The following ZFHX3 variants were observed in gnomAD, a reference collection of about 807,000 sequenced individuals.
ZFHX3 encodes the protein zinc finger homeobox protein 3.
A neutral mutation model predicts 279.1 loss-of-function variants in ZFHX3; 42 were observed. The ratio of observed to expected loss-of-function variants is 0.15; its 90% CI spans 0.12 to 0.19. The LOEUF (loss-of-function observed/expected upper bound fraction) is 0.19, where lower values mean the gene tolerates loss of function less well. ZFHX3 is among the 10% of genes least tolerant of loss of function. The pLI, the probability that ZFHX3 is intolerant of heterozygous loss-of-function variation, is 1.00. For missense variants in ZFHX3, 4,981 were observed against 4,754.0 expected (o/e 1.05, Z -1.40); for synonymous variants, 2,293 against 1,957.8 (o/e 1.17, Z -4.52).
chr16:73,273,928 A>G (rs2014223754), intron 4 of ZFHX3, among the ~76,000 whole-genome samples: 1 of 152,188 alleles, frequency 6.6e-6, no homozygotes, highest in African/African-American at 2.4e-5. Context: ...GGATCACCCG[A>G]GGTCAGGAGT....
chr16:72,842,578 G>C (rs1197957108), intron 4 of ZFHX3, among the ~76,000 whole-genome samples: 1 of 152,180 alleles, frequency 6.6e-6, no homozygotes, highest in Non-Finnish European at 1.5e-5. Flanking sequence ...CCCATGATTA[G>C]AAAGAATAAA....
In ZFHX3 at chr16:73,772,054, A is replaced by C. The variant is rs375362993; in HGVS notation, c.-1607-91814T>G. 1.5e-4 allele frequency among the ~76,000 whole-genome samples: 23 copies of C among 151,776 alleles called. No homozygotes were observed. In the East Asian group the frequency reaches 2.1e-3, roughly 14 times the overall value. On this transcript the variant is annotated intron_variant, in intron 1 of 17. Coordinates refer to the ZFHX3 transcript ENST00000641206. ...TTTATTTCCCTCTTAAACTGTGGGG[A>C]TGTGAGCCACAGCTAACTTTCCAGA...
intron 1 of ZFHX3, among the ~76,000 whole-genome samples, chr16:73,823,362 C>T (rs1431323569): frequency 1.3e-5 from 2 of 152,104 alleles, no homozygotes; most frequent in Non-Finnish European, 1.5e-5. Context: ...AGACACAATG[C>T]AATCCCTGGG....
At chr16:73,792,040 G>T (rs1567411997) in intron 1 of ZFHX3, among the ~76,000 whole-genome samples, 1 of 152,158 alleles carries the variant, frequency 6.6e-6, no homozygotes, top group Admixed American at 6.5e-5. Context: ...CAAAATTCCA[G>T]ACTCCTAATT....
At chr16:73,430,556 T>A (rs2017892129) in intron 3 of ZFHX3, among the ~76,000 whole-genome samples, 1 of 152,158 alleles carries the variant, frequency 6.6e-6, no homozygotes, top group East Asian at 1.9e-4. Context: ...TTTCCTCTTC[T>A]ATTCCAACAT....
At chr16:73,636,692 A>G (rs1215854426) in intron 2 of ZFHX3, among the ~76,000 whole-genome samples, 2 of 152,212 alleles carry the variant, frequency 1.3e-5, no homozygotes, top group South Asian at 2.1e-4. Flanking sequence ...TTTAAAATGT[A>G]TTAAATGTGT....
chr16:73,331,821 AC>A (rs1257881730), intron 3 of ZFHX3, among the ~76,000 whole-genome samples: 27 of 152,326 alleles, frequency 1.8e-4, no homozygotes, highest in African/African-American at 6.5e-4. Flanking sequence ...CTCTTCAATA[AC>A]TTATATCTGG....
At chr16:73,871,145 T>C (rs753265494) in intron 1 of ZFHX3, among the ~76,000 whole-genome samples, 5 of 152,096 alleles carry the variant, frequency 3.3e-5, no homozygotes, top group South Asian at 2.1e-4. Context: ...TAAAGCTACT[T>C]AGGGGGTCAA....
chr16:72,848,928 C>T (rs1025549514), intron 4 of ZFHX3, among the ~76,000 whole-genome samples: 1 of 152,118 alleles, frequency 6.6e-6, no homozygotes, highest in Non-Finnish European at 1.5e-5. Flanking sequence ...GGCAGAGCGC[C>T]GGGCTGCCAG....
At chr16:73,641,474 G>C (rs984145152) in intron 2 of ZFHX3, among the ~76,000 whole-genome samples, 2 of 152,134 alleles carry the variant, frequency 1.3e-5, no homozygotes, top group Non-Finnish European at 2.9e-5. Context: ...GAAGGTCTTG[G>C]AGCATATGGG....
At position 73,581,127 on chromosome 16, in the gene ZFHX3, A is replaced by AT. The variant is rs1164479458; in HGVS notation, c.-1547+99052dup. On this transcript the variant is annotated intron_variant, in intron 2 of 17. Coordinates refer to the ZFHX3 transcript ENST00000641206. ...TAGAAAAATGTTCTTTATTTTCTCA[A>AT]TTTTTTTTAACTTTCCCAATTAAGC... 5.3e-5 allele frequency among the ~76,000 whole-genome samples: 8 copies of AT among 151,526 alleles called. No individual in the cohort carries two copies. The East Asian group carries it at 9.7e-4, about 18-fold the overall frequency.
At chr16:73,725,541 G>GTGAC (rs2053511625) in intron 1 of ZFHX3, among the ~76,000 whole-genome samples, 1 of 104,628 alleles carries the variant, frequency 9.6e-6, no homozygotes, top group African/African-American at 4.9e-5. Context: ...GTGTGAGTGA[G>GTGAC]TGTGTGTGTG....
At chr16:73,341,033 T>C (rs1002375878) in intron 3 of ZFHX3, among the ~76,000 whole-genome samples, 1 of 152,136 alleles carries the variant, frequency 6.6e-6, no homozygotes, top group East Asian at 1.9e-4. Context: ...ATTTCTGAAA[T>C]ATACAAAGTC....
At chr16:73,541,451 A>C (rs1438471135) in intron 2 of ZFHX3, among the ~76,000 whole-genome samples, 1 of 152,050 alleles carries the variant, frequency 6.6e-6, no homozygotes, top group African/African-American at 2.4e-5. Context: ...ACAGCACTAC[A>C]CTCCAGCCTG....
chr16:73,073,867 T>C (rs190610814), intron 8 of ZFHX3, among the ~76,000 whole-genome samples: 1 of 152,222 alleles, frequency 6.6e-6, no homozygotes, highest in Admixed American at 6.5e-5. Flanking sequence ...TGTTGTGGCT[T>C]TTGATTCCAA....
intron 2 of ZFHX3, among the ~76,000 whole-genome samples, chr16:73,469,790 G>A (rs1271768537): frequency 6.6e-6 from 1 of 152,000 alleles, no homozygotes; most frequent in Non-Finnish European, 1.5e-5. Context: ...GCTAATTTTT[G>A]TATTTTTAGT....
At position 73,182,829 on chromosome 16, in the gene ZFHX3, A is replaced by G. The variant is rs561898903; in HGVS notation, c.-1103-38998T>C. On this transcript the variant is annotated intron_variant, in intron 5 of 17. Coordinates refer to the ZFHX3 transcript ENST00000641206. Reference sequence around the variant, plus strand: ...ATGCTCTCACTTCTAAGTGAGAACTAAACAATGGGTACCCATGGACATACA... The same window carrying G: ...ATGCTCTCACTTCTAAGTGAGAACTGAACAATGGGTACCCATGGACATACA... Among the ~76,000 whole-genome samples, 4 of 151,442 alleles carry G rather than the reference A, an allele frequency of 2.6e-5. No homozygotes were observed. In the South Asian group the frequency reaches 8.4e-4, roughly 32 times the overall value.
At chr16:73,247,282 T>C (rs2013313511) in intron 5 of ZFHX3, among the ~76,000 whole-genome samples, 1 of 152,036 alleles carries the variant, frequency 6.6e-6, no homozygotes, top group African/African-American at 2.4e-5. Context: ...GTGTATAAAA[T>C]GTGTCTGTGT....
intron 3 of ZFHX3, among the ~76,000 whole-genome samples, chr16:73,369,587 A>T (rs2016587540): frequency 6.6e-6 from 1 of 152,178 alleles, no homozygotes; most frequent in South Asian, 2.1e-4. Flanking sequence ...AAGCTGTTGG[A>T]TGAAAAAGTC....
Sources: allele counts gnomAD v4.1 joint callset (sites outside exome capture counted in the v4.1 genomes callset), GRCh38; gene constraint gnomAD v4.1.1; transcripts MANE v1.5; gene names NCBI Gene and HGNC (gene_info 2026-07-23, HGNC 2026-07-21).